Variants in NCOA3 observed in about 807,000 individuals in gnomAD.
NCOA3 encodes the protein nuclear receptor coactivator 3, also known as CBP-interacting protein.
Under a neutral mutation model 158.8 loss-of-function variants are expected in NCOA3, and 51 were observed. The observed-to-expected ratio is 0.32, with a 90% CI of 0.26 to 0.41. The LOEUF is 0.41. NCOA3 is among the 10% of genes least tolerant of loss of function. NCOA3 has a pLI of 1.00. For synonymous variants in NCOA3, 537 were observed against 592.4 expected, an observed-to-expected ratio of 0.91 and a Z score of 1.36; for missense variants, 1,510 against 1,746.6, an observed-to-expected ratio of 0.86 and a Z score of 2.41.
At chr20:47,592,141 C>T (rs2085652748) in intron 2 of NCOA3, among the ~76,000 whole-genome samples, 1 of 152,204 alleles carries the variant, frequency 6.6e-6, no homozygotes, top group South Asian at 2.1e-4. Flanking sequence ...CTCCTGGGTT[C>T]AAGCAATTCT....
chr20:47,639,624 G>A lies in NCOA3; in HGVS notation c.2755G>A (p.Asp919Asn). Residue 919 changes from aspartate (D) to asparagine (N), a missense_variant, in exon 15 of 23, where the codon GAC becomes AAC. Asp to Asn is a conservative substitution (Grantham distance 23). This residue lies in a region of NCOA3 where 1,017 missense variants were observed against 1,098.3 expected (regional missense o/e 0.93). Coordinates refer to ENST00000371998, the MANE Select transcript of NCOA3 (RefSeq NM_181659.3). ...VTVTQTPSSG[D>N]WGLPNSKAGR... ...TGTGACTCAGACTCCTTCCTCAGGA[G>A]ACTGGGGCTTACCAAACTCAAAGGC... 6.2e-7 allele frequency: 1 copy of A among 1,613,870 alleles called. No homozygotes were observed. The highest frequency in any genetic ancestry group is 1.1e-5 in the South Asian group (1 of 91,066).
intron 17 of NCOA3, among the ~76,000 whole-genome samples, chr20:47,643,250 T>C (rs1041750167): frequency 1.3e-5 from 2 of 152,224 alleles, no homozygotes; most frequent in Non-Finnish European, 2.9e-5. Context: ...GAGGGGCCAC[T>C]GTATAGGTTT....
chr20:47,522,549 A>G (rs1602340047), intron 1 of NCOA3, among the ~76,000 whole-genome samples: 1 of 151,988 alleles, frequency 6.6e-6, no homozygotes, highest in South Asian at 2.1e-4. Context: ...TGCCACAGAT[A>G]CCAGCCAGGT....
At chr20:47,522,699 A>T (rs1013997681) in intron 1 of NCOA3, among the ~76,000 whole-genome samples, 1 of 151,910 alleles carries the variant, frequency 6.6e-6, no homozygotes, top group Non-Finnish European at 1.5e-5. Flanking sequence ...CAGGGGCGCT[A>T]TGATGTTCTA....
At chr20:47,622,727 A>G (rs1416393671) in intron 3 of NCOA3, among the ~76,000 whole-genome samples, 1 of 152,136 alleles carries the variant, frequency 6.6e-6, no homozygotes, top group Non-Finnish European at 1.5e-5. Context: ...GGGTGGTGGG[A>G]TTATCATTAG....
chr20:47,501,909 C>T lies in NCOA3; in HGVS notation c.-209C>T, dbSNP rs535040341. The T allele has an allele frequency of 1.4e-4, 58 of 400,400 alleles. No homozygotes were observed. Among genetic ancestry groups the T allele is most frequent in the Non-Finnish European group, 2.4e-4 (54 of 227,386 alleles). 24.8% of individuals were successfully genotyped at this position (400,400 alleles called of 1,614,324 possible). A position where few individuals can be genotyped will look rare whatever the true frequency, so the allele number is the denominator to read the frequency against. ...TTTAGCTGCTGCTGTCTCAGCCGCT[C>T]CACAGCGACGGCAGCGGCTGCGGCT... On this transcript the variant is annotated 5_prime_UTR_variant, in exon 1 of 23. Transcript: ENST00000371998.
intron 2 of NCOA3, among the ~76,000 whole-genome samples, chr20:47,609,134 C>T (rs2086003029): frequency 6.6e-6 from 1 of 152,142 alleles, no homozygotes; most frequent in African/African-American, 2.4e-5. Context: ...GCATATAATA[C>T]AATTTCTGAT....
At chr20:47,640,505 C>G (rs2086586353) in intron 16 of NCOA3, among the ~76,000 whole-genome samples, 1 of 152,108 alleles carries the variant, frequency 6.6e-6, no homozygotes. Flanking sequence ...TAAGGATTGG[C>G]TAATTGTTTT....
At chr20:47,540,408 A>G (rs2084703502) in intron 1 of NCOA3, among the ~76,000 whole-genome samples, 2 of 152,006 alleles carry the variant, frequency 1.3e-5, no homozygotes, top group Non-Finnish European at 2.9e-5. Context: ...ACCCCCCTCT[A>G]CTAAAAATAC....
In NCOA3 at chr20:47,554,474, A is replaced by G. The variant is rs190908276; in HGVS notation, c.-98-28709A>G. On this transcript the variant is annotated intron_variant, in intron 1 of 22. Transcript: ENST00000371998. The stretch of plus-strand genomic sequence containing the variant: ...GTGTTTAGACATGAAGTCCTTGCCC[A>G]AAATCTCCTTAAGCTGATAAGCACT... Among the ~76,000 whole-genome samples, 195 of 152,236 alleles carry G rather than the reference A, an allele frequency of 1.3e-3. 1 individual carries two copies. The highest frequency in any genetic ancestry group is 3.8e-3 in the African/African-American group (158 of 41,520).
At chr20:47,595,103 CT>C (rs112571784) in intron 2 of NCOA3, among the ~76,000 whole-genome samples, 422 of 129,114 alleles carry the variant, frequency 3.3e-3, no homozygotes, top group Middle Eastern at 6.1e-3. Context: ...TTAAAATGAC[CT>C]TTTTTTTTTT....
At chr20:47,568,943 A>T (rs571616016) in intron 1 of NCOA3, among the ~76,000 whole-genome samples, 25 of 151,994 alleles carry the variant, frequency 1.6e-4, no homozygotes, top group African/African-American at 5.8e-4. Context: ...GGTGGCTGGG[A>T]CAAATTAAAA....
At chr20:47,511,410 AT>A (rs35591258) in intron 1 of NCOA3, among the ~76,000 whole-genome samples, 24,841 of 86,006 alleles carry the variant, frequency 0.29, 3,021 homozygotes, top group Middle Eastern at 0.32. Flanking sequence ...ACCATGCCTA[AT>A]TTTTTTTTTT....
intron 1 of NCOA3, among the ~76,000 whole-genome samples, chr20:47,539,043 G>T (rs1002852809): frequency 1.3e-5 from 2 of 152,194 alleles, no homozygotes; most frequent in Non-Finnish European, 2.9e-5. Flanking sequence ...GTTTTCCTTA[G>T]TGGTTTGCCT....
chr20:47,656,822 G>C lies in NCOA3; in HGVS notation c.*3405G>C, dbSNP rs754501609. 1 of 150,228 alleles carries C rather than the reference G, an allele frequency of 6.7e-6. No homozygotes were observed. The highest frequency in any genetic ancestry group is 2.5e-5 in the African/African-American group (1 of 40,378). The allele number at this position is 150,228 out of a possible 1,614,324, so 9.3% of individuals were successfully genotyped here. On this transcript the variant is annotated 3_prime_UTR_variant, in exon 23 of 23. Transcript: ENST00000371998. The stretch of plus-strand genomic sequence containing the variant: ...TTATGGGGGATGGTGAGCTGTGACT[G>C]CTTTGCTGACCATTTTGGATGTCAT...
chr20:47,518,171 A>G (rs1325679654), intron 1 of NCOA3, among the ~76,000 whole-genome samples: 1 of 149,620 alleles, frequency 6.7e-6, no homozygotes, highest in East Asian at 2.0e-4. Flanking sequence ...ACATAGGGAG[A>G]CCCCGTCTCT....
intron 1 of NCOA3, among the ~76,000 whole-genome samples, chr20:47,547,307 A>T (rs983681804): frequency 7.9e-5 from 12 of 152,038 alleles, no homozygotes; most frequent in Non-Finnish European, 1.8e-4. Flanking sequence ...TGGCGTTAAG[A>T]TGTTTTTCTG....
At chr20:47,590,435 A>G (rs1356091428) in intron 2 of NCOA3, among the ~76,000 whole-genome samples, 1 of 152,164 alleles carries the variant, frequency 6.6e-6, no homozygotes, top group African/African-American at 2.4e-5. Flanking sequence ...GTCCTGCCTC[A>G]GCCTCCTGAG....
At chr20:47,591,048 T>A (rs2085626564) in intron 2 of NCOA3, among the ~76,000 whole-genome samples, 1 of 151,306 alleles carries the variant, frequency 6.6e-6, no homozygotes, top group South Asian at 2.1e-4. Context: ...GGGCAGAGGC[T>A]GCAGTGAGCC....
Sources: gnomAD v4.1 joint callset for allele counts (sites outside exome capture counted in the v4.1 genomes callset) on GRCh38, gnomAD v4.1.1 for gene constraint, gnomAD v4.1.1 regional missense constraint, MANE v1.5 for transcripts, NCBI Gene and HGNC (gene_info 2026-07-23, HGNC 2026-07-21) for gene names.